ENPP2: variants seen among roughly 807,000 people sequenced by gnomAD.
The protein encoded by ENPP2 is ectonucleotide pyrophosphatase/phosphodiesterase 2, also known as autotaxin.
A neutral mutation model predicts 120.2 loss-of-function variants in ENPP2; 51 were observed. The observed-to-expected ratio is 0.42, with a 90% CI of 0.34 to 0.54. The LOEUF (loss-of-function observed/expected upper bound fraction) is 0.54, where lower values mean the gene tolerates loss of function less well. Ranked by LOEUF, ENPP2 falls within the 20% of genes least tolerant of loss-of-function variation. ENPP2 has a pLI of 0.04. For synonymous variants in ENPP2, 365 were observed against 366.4 expected (o/e 1.00, Z 0.04); for missense variants, 920 against 1,066.5 (o/e 0.86, Z 1.91).
intron 18 of ENPP2, among the ~76,000 whole-genome samples, chr8:119,581,903 TTG>T (rs1812771505): frequency 1.3e-5 from 2 of 151,956 alleles, no homozygotes; most frequent in South Asian, 4.2e-4. Context: ...GCTAATTTTT[TTG>T]TGTTTTTAGT....
intron 6 of ENPP2, 85 bp from the exon 7 acceptor site, chr8:119,617,328 T>A (rs1376369978): frequency 8.3e-7 from 1 of 1,203,846 alleles, no homozygotes; most frequent in Non-Finnish European, 1.2e-6. Flanking sequence ...CTCAGACATG[T>A]GTTACCTTCA....
chr8:119,574,203 T>A (rs992072600), intron 19 of ENPP2, among the ~76,000 whole-genome samples: 2 of 152,096 alleles, frequency 1.3e-5, no homozygotes, highest in African/African-American at 4.8e-5. Context: ...TCCTAGTCTT[T>A]ATGACATCTT....
At chr8:119,670,978 T>C (rs1396751286) in intron 1 of ENPP2, among the ~76,000 whole-genome samples, 1 of 152,096 alleles carries the variant, frequency 6.6e-6, no homozygotes, top group South Asian at 2.1e-4. Flanking sequence ...ATGATCATAT[T>C]ATATTTTAGA....
intron 9 of ENPP2, among the ~76,000 whole-genome samples, chr8:119,604,567 C>G (rs1195149239): frequency 7.3e-6 from 1 of 136,968 alleles, no homozygotes; most frequent in Non-Finnish European, 1.5e-5. Context: ...TGTCATGAGA[C>G]CAAGTATATT....
intron 19 of ENPP2, chr8:119,571,885 T>C: frequency 3.9e-6 from 1 of 259,240 alleles, no homozygotes; most frequent in Non-Finnish European, 7.3e-6. Context: ...AAAGTCTTCG[T>C]AGAATACTTT....
At chr8:119,651,800 G>A (rs990443688) in intron 1 of ENPP2, among the ~76,000 whole-genome samples, 1 of 152,188 alleles carries the variant, frequency 6.6e-6, no homozygotes, top group Non-Finnish European at 1.5e-5. Flanking sequence ...TAAGATCTCA[G>A]AGAGAATGCT....
intron 9 of ENPP2, among the ~76,000 whole-genome samples, chr8:119,603,832 G>A (rs1814488794): frequency 6.6e-6 from 1 of 152,090 alleles, no homozygotes; most frequent in Non-Finnish European, 1.5e-5. Context: ...TTATGGAGGG[G>A]TCGTCATTTT....
intron 1 of ENPP2, among the ~76,000 whole-genome samples, chr8:119,662,484 G>T (rs910850500): frequency 6.6e-6 from 1 of 152,122 alleles, no homozygotes; most frequent in Non-Finnish European, 1.5e-5. Context: ...AGACCTACTG[G>T]ATCAGAAACT....
intron 17 of ENPP2, among the ~76,000 whole-genome samples, chr8:119,582,837 G>C (rs1193435390): frequency 1.3e-5 from 2 of 152,098 alleles, no homozygotes; most frequent in Non-Finnish European, 2.9e-5. Context: ...ACCATGAATA[G>C]AGAGAGAGAG....
intron 1 of ENPP2, among the ~76,000 whole-genome samples, chr8:119,650,987 C>T (rs1307937583): frequency 6.6e-6 from 1 of 150,564 alleles, no homozygotes; most frequent in Non-Finnish European, 1.5e-5. Flanking sequence ...AAAAAAAAAG[C>T]CCTATGAACT....
chr8:119,599,317 C>T (rs1281441097), intron 11 of ENPP2, among the ~76,000 whole-genome samples: 1 of 152,148 alleles, frequency 6.6e-6, no homozygotes, highest in Non-Finnish European at 1.5e-5. Flanking sequence ...GATGTCAAAG[C>T]ATTCAGAAAC....
rs1587320208 is a variant in ENPP2 at position 119,563,157 on chromosome 8, C to T, written c.2265-144G>A. On this transcript the variant is annotated intron_variant, in intron 23 of 24. Transcript: ENST00000075322. ...TCATTTTTCACTTCTAAGCACTAGCCCACTTCTATGTCTTTGAAAATAATG... is the reference window on the plus strand; with the variant it reads ...TCATTTTTCACTTCTAAGCACTAGCTCACTTCTATGTCTTTGAAAATAATG... The T allele has an allele frequency of 6.1e-6, 4 of 657,632 alleles. No individual in the cohort carries two copies. The East Asian group carries it at 1.1e-4, about 19-fold the overall frequency. The allele number at this position is 657,632 out of a possible 1,614,324, so 40.7% of individuals were successfully genotyped here. A position where few individuals can be genotyped will look rare whatever the true frequency, so the allele number is the denominator to read the frequency against.
intron 3 of ENPP2, among the ~76,000 whole-genome samples, chr8:119,622,312 G>A (rs1417197229): frequency 6.6e-6 from 1 of 152,164 alleles, no homozygotes; most frequent in Non-Finnish European, 1.5e-5. Context: ...GCACCTGGAG[G>A]TTAAAGTCCT....
At chr8:119,571,261 C>T (rs1224479151) in intron 19 of ENPP2, 6 of 153,590 alleles carry the variant, frequency 3.9e-5, no homozygotes, top group African/African-American at 1.2e-4. Flanking sequence ...AGAAGGCACA[C>T]ATTGATCATT....
intron 12 of ENPP2, among the ~76,000 whole-genome samples, chr8:119,592,517 A>G (rs905828472): frequency 7.4e-5 from 11 of 149,322 alleles, no homozygotes; most frequent in African/African-American, 2.7e-4. Flanking sequence ...GAAGTGCTGT[A>G]GTTGTCCCAA....
intron 11 of ENPP2, among the ~76,000 whole-genome samples, chr8:119,597,057 G>A (rs970524650): frequency 6.6e-6 from 1 of 152,102 alleles, no homozygotes; most frequent in African/African-American, 2.4e-5. Flanking sequence ...GAGGAACAAT[G>A]TTAGTGTATC....
intron 13 of ENPP2, 42 bp from the exon 14 acceptor site, chr8:119,587,117 C>A (rs757299492): frequency 2.6e-6 from 4 of 1,532,934 alleles, no homozygotes; most frequent in Non-Finnish European, 3.6e-6. Flanking sequence ...AAATAACAAC[C>A]ATTACCAAGA....
chr8:119,623,686 C>G (rs1816070106), intron 3 of ENPP2, among the ~76,000 whole-genome samples: 1 of 151,744 alleles, frequency 6.6e-6, no homozygotes, highest in South Asian at 2.1e-4. Flanking sequence ...AGTGCAGTGG[C>G]ATAATCTCAG....
At chr8:119,587,365 G>T (rs1237847367) in intron 13 of ENPP2, among the ~76,000 whole-genome samples, 1 of 152,154 alleles carries the variant, frequency 6.6e-6, no homozygotes, top group Non-Finnish European at 1.5e-5. Context: ...TAGGTAAATT[G>T]CTTCTTGTTT....
Sources: allele counts gnomAD v4.1 joint callset (sites outside exome capture counted in the v4.1 genomes callset), GRCh38; gene constraint gnomAD v4.1.1; transcripts MANE v1.5; gene names NCBI Gene and HGNC (gene_info 2026-07-23, HGNC 2026-07-21).